USH2A: variants seen among roughly 807,000 people sequenced by gnomAD.
USH2A encodes Usher syndrome 2A (autosomal recessive, mild).
In USH2A, 443 loss-of-function variants were observed where a neutral mutation model predicts 538.9. The observed-to-expected ratio is 0.82, with a 90% CI of 0.76 to 0.89. The LOEUF (loss-of-function observed/expected upper bound fraction) is 0.89. Among genes scored for constraint, USH2A ranks in the 40% least tolerant of loss-of-function variants. The pLI is 0.00. For synonymous variants in USH2A, 2,413 were observed against 2,273.5 expected (o/e 1.06, Z -1.75); for missense variants, 6,633 against 6,324.8 (o/e 1.05, Z -1.65).
At chr1:215,753,409 C>T (rs1660683976) in intron 58 of USH2A, among the ~76,000 whole-genome samples, 1 of 152,128 alleles carries the variant, frequency 6.6e-6, no homozygotes, top group African/African-American at 2.4e-5. Flanking sequence ...TTGGAACCAA[C>T]CCAAATGTCC....
chr1:215,670,405 G>A (rs1205609551), intron 64 of USH2A, among the ~76,000 whole-genome samples: 1 of 152,130 alleles, frequency 6.6e-6, no homozygotes, highest in Non-Finnish European at 1.5e-5. Flanking sequence ...CCTAACAGAA[G>A]TCCTCCACAG....
intron 41 of USH2A, among the ~76,000 whole-genome samples, chr1:215,885,338 T>G (rs1207498385): frequency 6.6e-6 from 1 of 152,198 alleles, no homozygotes. Flanking sequence ...CAATTTGTCC[T>G]TGTATATCAT....
intron 3 of USH2A, among the ~76,000 whole-genome samples, chr1:216,389,990 T>G (rs867376262): frequency 1.5e-5 from 2 of 137,612 alleles, no homozygotes; most frequent in Middle Eastern, 3.6e-3. Context: ...AAGAGAAAAA[T>G]AAAAAAAACT....
chr1:216,198,249 C>T, intron 18 of USH2A, 66 bp downstream of exon 18: 1 of 1,609,664 alleles, frequency 6.2e-7, no homozygotes, highest in Non-Finnish European at 8.5e-7. Context: ...AGTACTTTGA[C>T]TTTAATTTGA....
intron 9 of USH2A, among the ~76,000 whole-genome samples, chr1:216,298,058 A>T (rs1268898685): frequency 6.6e-6 from 1 of 152,172 alleles, no homozygotes; most frequent in Non-Finnish European, 1.5e-5. Context: ...CAAAGGCAAA[A>T]TTTTGCTGTA....
intron 8 of USH2A, among the ~76,000 whole-genome samples, chr1:216,322,178 C>T (rs1182583586): frequency 6.6e-6 from 1 of 152,112 alleles, no homozygotes; most frequent in South Asian, 2.1e-4. Context: ...GGACTGTCAC[C>T]AATATCCAAA....
At chr1:216,098,342 G>T (rs1330842324) in intron 21 of USH2A, among the ~76,000 whole-genome samples, 2 of 152,192 alleles carry the variant, frequency 1.3e-5, no homozygotes, top group African/African-American at 2.4e-5. Flanking sequence ...TCAAATAAGA[G>T]CTCAAGACCA....
At position 215,747,756 on chromosome 1, in the gene USH2A, G is replaced by A. The variant is rs77429656; in HGVS notation, c.11390-4421C>T. Among the ~76,000 whole-genome samples the A allele has an allele frequency of 1.2e-4, 19 of 152,244 alleles. No individual in the cohort carries two copies. The East Asian group carries it at 3.7e-3, about 29-fold the overall frequency. On this transcript the variant is annotated intron_variant, in intron 58 of 71. Transcript: ENST00000307340. ...ATTTCCATCCAGAGTATCCTAGAAT[G>A]ACAAAGCATTCCATATCACATTTTG...
intron 41 of USH2A, among the ~76,000 whole-genome samples, chr1:215,880,999 G>A (rs141851403): frequency 0.01 from 1,535 of 152,252 alleles, 15 homozygotes; most frequent in Non-Finnish European, 0.016. Context: ...CCAGCTACCT[G>A]GGAGGCTGAG....
At chr1:216,255,769 C>G (rs2036247302) in intron 11 of USH2A, among the ~76,000 whole-genome samples, 2 of 152,170 alleles carry the variant, frequency 1.3e-5, no homozygotes, top group South Asian at 4.1e-4. Flanking sequence ...TTGTTCTAAT[C>G]TATAGATTTA....
intron 50 of USH2A, among the ~76,000 whole-genome samples, chr1:215,796,102 C>T (rs1662126566): frequency 1.3e-5 from 2 of 152,116 alleles, no homozygotes; most frequent in African/African-American, 2.4e-5. Flanking sequence ...AATTTTCTTT[C>T]TGAGTCTGCA....
At chr1:216,079,106 C>G (rs571779509) in intron 26 of USH2A, 2 of 152,198 alleles carry the variant, frequency 1.3e-5, no homozygotes, top group African/African-American at 4.8e-5. Flanking sequence ...TATTTAAAAT[C>G]TTGAGATCAA....
intron 44 of USH2A, among the ~76,000 whole-genome samples, chr1:215,864,699 A>G (rs1316629584): frequency 6.6e-6 from 1 of 152,210 alleles, no homozygotes; most frequent in East Asian, 1.9e-4. Context: ...CTGGAGGAGG[A>G]AGGAAATATG....
chr1:216,293,640 C>T (rs759697895), intron 9 of USH2A, among the ~76,000 whole-genome samples: 2 of 152,176 alleles, frequency 1.3e-5, no homozygotes, highest in Admixed American at 1.3e-4. Context: ...TCTTTCTTTG[C>T]AGTGCTTTCC....
At chr1:215,911,912 G>C (rs1665794399) in intron 38 of USH2A, among the ~76,000 whole-genome samples, 1 of 151,946 alleles carries the variant, frequency 6.6e-6, no homozygotes, top group African/African-American at 2.4e-5. Context: ...ATTTTAACTG[G>C]GGTGAGATGA....
At chr1:215,652,501 T>C (rs1657114614) in intron 64 of USH2A, among the ~76,000 whole-genome samples, 1 of 152,114 alleles carries the variant, frequency 6.6e-6, no homozygotes, top group South Asian at 2.1e-4. Context: ...GAGCTAGCAA[T>C]GGGAGAGCCA....
intron 44 of USH2A, among the ~76,000 whole-genome samples, chr1:215,863,308 G>A (rs550029330): frequency 6.6e-6 from 1 of 152,282 alleles, no homozygotes; most frequent in Admixed American, 6.5e-5. Flanking sequence ...GTCAGATGTG[G>A]TCTCTTCTAT....
chr1:215,676,106 T>TTGTG lies in USH2A; in HGVS notation c.12295-494_12295-491dup, dbSNP rs563148237. 4.0e-3 allele frequency among the ~76,000 whole-genome samples: 602 copies of TTGTG among 151,842 alleles called. 5 individuals carry two copies. Among genetic ancestry groups the TTGTG allele is most frequent in the African/African-American group, 0.014 (573 of 41,448 alleles). On this transcript the variant is annotated intron_variant, in intron 62 of 71. Coordinates refer to ENST00000307340, the MANE Select transcript of USH2A (RefSeq NM_206933.4). ...GAGTGCCAGGGCTGAAAGAGTATGC[T>TTGTG]TGTGTGTGTGTGTGTTTAGGCACAC...
chr1:215,836,914 G>A (rs752864426), intron 47 of USH2A, among the ~76,000 whole-genome samples: 4 of 151,516 alleles, frequency 2.6e-5, no homozygotes, highest in Admixed American at 6.6e-5. Context: ...GGTCTCTAAC[G>A]CCCATTTAAT....
Sources: allele counts gnomAD v4.1 joint callset (sites outside exome capture counted in the v4.1 genomes callset), GRCh38; gene constraint gnomAD v4.1.1; transcripts MANE v1.5; gene names NCBI Gene and HGNC (gene_info 2026-07-23, HGNC 2026-07-21).